The following PTPRU variants were observed in gnomAD, a reference collection of about 807,000 sequenced individuals.
PTPRU encodes the protein protein tyrosine phosphatase receptor type U, also known as receptor-type tyrosine-protein phosphatase U.
In PTPRU, 69 loss-of-function variants were observed where a neutral mutation model predicts 166.3. The observed-to-expected ratio is 0.41, with a 90% CI of 0.34 to 0.51. The LOEUF is 0.51. PTPRU is among the 20% of genes least tolerant of loss of function. The pLI, the probability that PTPRU is intolerant of heterozygous loss-of-function variation, is 0.09. For missense variants in PTPRU, 1,657 were observed against 2,013.7 expected, an observed-to-expected ratio of 0.82 and a Z score of 3.39; for synonymous variants, 793 against 814.0, an observed-to-expected ratio of 0.97 and a Z score of 0.44.
Position 29,259,583 on chromosome 1 carries a change from C to G in PTPRU, c.675+19C>G. The G allele has an allele frequency of 2.3e-6, 1 of 426,290 alleles. No homozygotes were observed. Among genetic ancestry groups the G allele is most frequent in the Admixed American group, 3.2e-5 (1 of 31,484 alleles). The allele number at this position is 426,290 out of a possible 1,614,324, so 26.4% of individuals were successfully genotyped here. A position where few individuals can be genotyped will look rare whatever the true frequency, so the allele number is the denominator to read the frequency against. On this transcript the variant is annotated intron_variant, in intron 5 of 29. Transcript: ENST00000373779. ...CTTGCAAGTGAGCGGGAGCGGTGAT[C>G]TTGGCTGGGGGCGGGGTGGGAGGGG...
At position 29,259,541 on chromosome 1, in the gene PTPRU, G is replaced by A; in HGVS notation, c.652G>A (p.Glu218Lys). 2.5e-6 allele frequency: 4 copies of A among 1,604,166 alleles called. No homozygotes were observed. Among genetic ancestry groups the A allele is most frequent in the Non-Finnish European group, 3.4e-6 (4 of 1,174,506 alleles). ...GTGCATGGCCGCGGGCAGAGCGGCC[G>A]AGGCCGAACGCTTCCTCTTGCAAGT... The part of the protein sequence containing the change: ...FQCMAAGRAA[E>K]AERFLLQRQS... The change falls in exon 5 of 30, where the codon GAG becomes AAG. Residue 218 changes from glutamate (E) to lysine (K), a missense_variant. Glu to Lys is a moderately conservative substitution (Grantham distance 56). This residue lies in a region of PTPRU where 453 missense variants were observed against 496.9 expected (regional missense o/e 0.91). Transcript: ENST00000373779.
intron 22 of PTPRU, 98 bp downstream of exon 22, chr1:29,312,804 C>T (rs1379378426): frequency 8.6e-6 from 12 of 1,396,040 alleles, no homozygotes. Flanking sequence ...GGGGACCAGG[C>T]CTGGGTTCTC....
Position 29,260,526 on chromosome 1 carries a change from T to G in PTPRU, c.851-84T>G. 1 of 1,049,868 alleles carries G rather than the reference T, an allele frequency of 9.5e-7. No individual in the cohort carries two copies. Among genetic ancestry groups the G allele is most frequent in the Non-Finnish European group, 1.3e-6 (1 of 755,768 alleles). The allele number at this position is 1,049,868 out of a possible 1,614,324, so 65.0% of individuals were successfully genotyped here. On this transcript the variant is annotated intron_variant, in intron 6 of 29. Coordinates refer to ENST00000373779, the MANE Select transcript of PTPRU (RefSeq NM_133178.4). This position sits in a 1 kb window ranked among gnomAD's most constrained non-coding sequence, Gnocchi z 8.3. ...GAGGCCCTAGGAGGACGGAGAGGGATTTGGGTGTGGTGGAACTCAGAGTTG... is the reference window on the plus strand; with the variant it reads ...GAGGCCCTAGGAGGACGGAGAGGGAGTTGGGTGTGGTGGAACTCAGAGTTG...
At position 29,325,980 on chromosome 1, in the gene PTPRU, A is replaced by T; in HGVS notation, c.*319A>T. The T allele has an allele frequency of 2.3e-6, 1 of 436,686 alleles. No individual in the cohort carries two copies. 27.1% of individuals were successfully genotyped at this position (436,686 alleles called of 1,614,324 possible). ...GGCTCAGGACGGCTGGCTCTGGGGG[A>T]CTCAGGCCAAGCCCCTTGGCACCAT... On this transcript the variant is annotated 3_prime_UTR_variant, in exon 30 of 30. Transcript: ENST00000373779.
At chr1:29,267,362 C>T (rs1420094546) in intron 7 of PTPRU, among the ~76,000 whole-genome samples, 2 of 152,138 alleles carry the variant, frequency 1.3e-5, no homozygotes, top group South Asian at 4.1e-4. Context: ...CTGGCATATA[C>T]CGAGGGAGGA....
chr1:29,290,368 A>T (rs1337678238), intron 14 of PTPRU, among the ~76,000 whole-genome samples: 1 of 152,250 alleles, frequency 6.6e-6, no homozygotes, highest in African/African-American at 2.4e-5. Context: ...ACTGAGGCTC[A>T]GAGAGACCAA....
intron 18 of PTPRU, among the ~76,000 whole-genome samples, chr1:29,309,391 G>A (rs1190529520): frequency 2.0e-5 from 3 of 152,104 alleles, no homozygotes; most frequent in Non-Finnish European, 4.4e-5. Flanking sequence ...GCTACTGCTC[G>A]GCATAGCTGT....
At chr1:29,249,608 G>A (rs771282150) in intron 1 of PTPRU, among the ~76,000 whole-genome samples, 1 of 152,204 alleles carries the variant, frequency 6.6e-6, no homozygotes, top group Non-Finnish European at 1.5e-5. Context: ...CGGGGCTCAG[G>A]GCATATGTGT....
intron 22 of PTPRU, among the ~76,000 whole-genome samples, chr1:29,314,131 A>G (rs551006219): frequency 5.8e-4 from 88 of 152,306 alleles, no homozygotes; most frequent in South Asian, 1.7e-3. Flanking sequence ...AATAAATGAC[A>G]GTGTGTTTGT....
intron 19 of PTPRU, 135 bp downstream of exon 19, chr1:29,310,915 C>A: frequency 8.9e-7 from 1 of 1,128,912 alleles, no homozygotes; most frequent in Non-Finnish European, 1.4e-6. Context: ...CATATTCTGG[C>A]TCCCTGCTTG....
intron 7 of PTPRU, among the ~76,000 whole-genome samples, chr1:29,273,312 A>C (rs541946767): frequency 5.0e-4 from 76 of 152,220 alleles, no homozygotes; most frequent in Non-Finnish European, 8.7e-4. Context: ...TGTGTCGCCC[A>C]GGCTGGAGTG....
rs571355656 is a variant in PTPRU at position 29,260,571 on chromosome 1, A to G, written c.851-39A>G. ...GAGTTGGGTGCTGGGGTCTCACAGC[A>G]GCATCGGTCCGCCTCGCCTCTCCCC... is the stretch of plus-strand genomic sequence containing the variant. On this transcript the variant is annotated intron_variant, in intron 6 of 29. Transcript: ENST00000373779. This position sits in a 1 kb window ranked among gnomAD's most constrained non-coding sequence, Gnocchi z 8.3. 21 of 1,448,814 alleles carry G rather than the reference A, an allele frequency of 1.4e-5. No homozygotes were observed. In the East Asian group the frequency reaches 5.4e-4, roughly 37 times the overall value. 89.7% of individuals were successfully genotyped at this position (1,448,814 alleles called of 1,614,324 possible).
Position 29,311,671 on chromosome 1 carries a change from A to G in PTPRU, c.2984A>G (p.Asp995Gly). ...RVKCSRYWPE[D>G]SDTYGDIKIM... Reference sequence around the variant, plus strand: ...AAATGCTCACGGTACTGGCCGGAGGACTCAGACACCTACGGGGACATCAAG... The same window carrying G: ...AAATGCTCACGGTACTGGCCGGAGGGCTCAGACACCTACGGGGACATCAAG... The change falls in exon 21 of 30, where the codon GAC becomes GGC. Residue 995 changes from aspartate (D) to glycine (G), a missense_variant. Transcript: ENST00000373779. The surrounding 1 kb of genome is among the most constrained non-coding windows in gnomAD (Gnocchi z 4.1). 1 of 1,614,098 alleles carries G rather than the reference A, an allele frequency of 6.2e-7. No homozygotes were observed. Among genetic ancestry groups the G allele is most frequent in the Non-Finnish European group, 8.5e-7 (1 of 1,179,996 alleles).
At position 29,262,276 on chromosome 1, in the gene PTPRU, C is replaced by T. The variant is rs1207303710; in HGVS notation, c.1144+1373C>T. ...TGAATGAAATCAGAGTATATAACCT[C>T]TAGAATTGGCTTTTTTTGGATAACA... On this transcript the variant is annotated intron_variant, in intron 7 of 29. Transcript: ENST00000373779. Among the ~76,000 whole-genome samples, 9 of 152,316 alleles carry T rather than the reference C, an allele frequency of 5.9e-5. No homozygotes were observed. The South Asian group carries it at 1.7e-3, about 28-fold the overall frequency.
intron 7 of PTPRU, among the ~76,000 whole-genome samples, chr1:29,273,303 G>A (rs1315770625): frequency 6.6e-6 from 1 of 152,060 alleles, no homozygotes; most frequent in African/African-American, 2.4e-5. Flanking sequence ...GCGTCTCACT[G>A]TGTCGCCCAG....
rs777032680 is a variant in PTPRU, at chr1:29,310,778, A to G, written c.2855A>G (p.Gln952Arg). Residue 952 changes from glutamine to arginine, a missense_variant and splice_region_variant, in exon 19 of 30, where the codon CAA becomes CGA. By Grantham distance (43) the Gln-to-Arg change is conservative. Transcript: ENST00000373779. ...AGGTCAAACCACTTCATAGCCACTCAAGGTACCTGGCACTTCTGCCCACAT... is the reference window on the plus strand; with the variant it reads ...AGGTCAAACCACTTCATAGCCACTCGAGGTACCTGGCACTTCTGCCCACAT... ...YHRSNHFIAT[Q>R]GPKPEMVYDF... The G allele has an allele frequency of 6.8e-6, 11 of 1,613,800 alleles. No homozygotes were observed. The highest frequency in any genetic ancestry group is 1.7e-5 in the Admixed American group (1 of 60,006).
At chr1:29,305,489 C>T in intron 18 of PTPRU, 61 bp downstream of exon 18, 1 of 1,516,132 alleles carries the variant, frequency 6.6e-7, no homozygotes, top group South Asian at 1.1e-5. Flanking sequence ...GCTTACTATC[C>T]AGGCAGGGCA....
At chr1:29,265,491 T>C (rs780684671) in intron 7 of PTPRU, among the ~76,000 whole-genome samples, 10 of 151,754 alleles carry the variant, frequency 6.6e-5, no homozygotes, top group Admixed American at 3.9e-4. Context: ...GCCTCCCGAG[T>C]AGCTGGGATT....
At chr1:29,262,208 T>C (rs909600522) in intron 7 of PTPRU, among the ~76,000 whole-genome samples, 1 of 152,248 alleles carries the variant, frequency 6.6e-6, no homozygotes, top group African/African-American at 2.4e-5. Context: ...TGGTAGTCAC[T>C]GATCTGTCCT....
Sources: gnomAD v4.1 joint callset for allele counts (sites outside exome capture counted in the v4.1 genomes callset) on GRCh38, gnomAD v4.1.1 for gene constraint, gnomAD v4.1.1 regional missense constraint, Gnocchi (gnomAD v3.1) non-coding constraint, MANE v1.5 for transcripts, NCBI Gene and HGNC (gene_info 2026-07-23, HGNC 2026-07-21) for gene names.